The following SLC14A2 variants were observed in gnomAD, a reference collection of about 807,000 sequenced individuals.
SLC14A2 encodes the protein solute carrier family 14 member 2.
A neutral mutation model predicts 104.6 loss-of-function variants in SLC14A2; 91 were observed. The observed-to-expected ratio is 0.87, with a 90% CI of 0.73 to 1.04. The LOEUF (loss-of-function observed/expected upper bound fraction) is 1.04. SLC14A2 is among the 50% of genes least tolerant of loss of function. The probability of loss-of-function intolerance (pLI) is 0.00; values close to 1 mark genes in which losing one functional copy is unlikely to be tolerated. For missense variants in SLC14A2, 1,189 were observed against 1,156.0 expected, an observed-to-expected ratio of 1.03 and a Z score of -0.41; for synonymous variants, 476 against 466.4, an observed-to-expected ratio of 1.02 and a Z score of -0.27.
intron 1 of SLC14A2, among the ~76,000 whole-genome samples, chr18:45,438,781 T>C (rs1568203875): frequency 6.6e-6 from 1 of 152,234 alleles, no homozygotes; most frequent in Non-Finnish European, 1.5e-5. Flanking sequence ...ACTGGCCATC[T>C]TCCTGTCATT....
chr18:45,362,820 G>T (rs2085626114), intron 1 of SLC14A2, among the ~76,000 whole-genome samples: 1 of 152,222 alleles, frequency 6.6e-6, no homozygotes, highest in African/African-American at 2.4e-5. Flanking sequence ...TTCAGCCACA[G>T]GTAAGTGGCC....
chr18:45,235,374 G>A (rs2084214663), intron 1 of SLC14A2, among the ~76,000 whole-genome samples: 1 of 152,058 alleles, frequency 6.6e-6, no homozygotes, highest in African/African-American at 2.4e-5. Flanking sequence ...TCAAACCAAG[G>A]TAATTAGAAT....
At chr18:45,280,248 C>A (rs1019135539) in intron 1 of SLC14A2, among the ~76,000 whole-genome samples, 6 of 152,050 alleles carry the variant, frequency 3.9e-5, no homozygotes, top group African/African-American at 1.4e-4. Flanking sequence ...GAGCTAAGGG[C>A]GCCGCTGATG....
chr18:45,366,480 T>A (rs975955047), intron 1 of SLC14A2, among the ~76,000 whole-genome samples: 3 of 152,168 alleles, frequency 2.0e-5, no homozygotes, highest in African/African-American at 7.2e-5. Context: ...AAAGACAGTG[T>A]GCAATGTGGA....
intron 1 of SLC14A2, among the ~76,000 whole-genome samples, chr18:45,242,335 C>T (rs569244758): frequency 9.9e-5 from 15 of 152,150 alleles, no homozygotes; most frequent in African/African-American, 3.4e-4. Flanking sequence ...TAAAAACTGC[C>T]GTAAAAGTCA....
At chr18:45,176,061 G>A in the SLC14A2 span, among the ~76,000 whole-genome samples, 1 of 152,124 alleles carries the variant, frequency 6.6e-6, no homozygotes, top group African/African-American at 2.4e-5. Context: ...GGATGCCAAT[G>A]AGCAGACTGC....
At chr18:45,593,336 A>G (rs2044678031) in intron 2 of SLC14A2, among the ~76,000 whole-genome samples, 1 of 151,640 alleles carries the variant, frequency 6.6e-6, no homozygotes, top group Non-Finnish European at 1.5e-5. Context: ...AAAGTGAGCC[A>G]TCAATGTGAG....
At chr18:45,407,040 AAGAG>A (rs765095758) in intron 1 of SLC14A2, among the ~76,000 whole-genome samples, 16 of 152,186 alleles carry the variant, frequency 1.1e-4, no homozygotes, top group Non-Finnish European at 2.4e-4. Flanking sequence ...AGCCCCTAAC[AAGAG>A]AGTCACCCTG....
intron 1 of SLC14A2, among the ~76,000 whole-genome samples, chr18:45,616,399 C>A (rs79399330): frequency 0.025 from 3,837 of 152,284 alleles, 65 homozygotes; most frequent in Non-Finnish European, 0.038. Context: ...AATCAGCATT[C>A]CAGAAAACTG....
chr18:45,195,197 T>C, the SLC14A2 span, among the ~76,000 whole-genome samples: 1 of 151,912 alleles, frequency 6.6e-6, no homozygotes, highest in African/African-American at 2.4e-5. Flanking sequence ...CTGAAGGGAG[T>C]GTCTGGCCAC....
At position 45,581,055 on chromosome 18, in the gene SLC14A2, G is replaced by T. The variant is rs534758821; in HGVS notation, c.-34-43576G>T. 2.1e-4 allele frequency among the ~76,000 whole-genome samples: 32 copies of T among 152,304 alleles called. No homozygotes were observed. In the South Asian group the frequency reaches 6.6e-3, roughly 32 times the overall value. On this transcript the variant is annotated intron_variant, in intron 2 of 20. Coordinates refer to the SLC14A2 transcript ENST00000586448. ...GCAGGGAGACCAGGGCCATGGGGAA[G>T]GGAGGGAATGTGGAGGGCATTTCCT...
chr18:45,645,631 A>AT (rs1226114656), intron 10 of SLC14A2, among the ~76,000 whole-genome samples: 49 of 147,932 alleles, frequency 3.3e-4, no homozygotes, highest in South Asian at 6.3e-4. Flanking sequence ...ATACATATAC[A>AT]AAGATATATA....
chr18:45,379,292 T>C (rs905694770), intron 1 of SLC14A2, among the ~76,000 whole-genome samples: 15 of 152,354 alleles, frequency 9.8e-5, no homozygotes, highest in Non-Finnish European at 2.2e-4. Context: ...AATTCCTATA[T>C]TGGGCCAAAA....
At chr18:45,399,051 A>C (rs1598756951) in intron 1 of SLC14A2, among the ~76,000 whole-genome samples, 1 of 152,356 alleles carries the variant, frequency 6.6e-6, no homozygotes, top group South Asian at 2.1e-4. Flanking sequence ...TTGGATGCTA[A>C]GTTCCATCTC....
At chr18:45,678,393 C>T (rs1212235984) in intron 18 of SLC14A2, among the ~76,000 whole-genome samples, 2 of 152,170 alleles carry the variant, frequency 1.3e-5, no homozygotes, top group African/African-American at 4.8e-5. Flanking sequence ...GGGATGCTCT[C>T]AGCGAGAAAT....
intron 2 of SLC14A2, among the ~76,000 whole-genome samples, chr18:45,586,187 C>A (rs948063884): frequency 6.6e-6 from 1 of 152,202 alleles, no homozygotes; most frequent in Non-Finnish European, 1.5e-5. Flanking sequence ...GAGAGAATGG[C>A]AGGGAGTGTC....
chr18:45,460,376 C>T (rs967704347), intron 1 of SLC14A2, among the ~76,000 whole-genome samples: 17 of 152,298 alleles, frequency 1.1e-4, no homozygotes, highest in Middle Eastern at 3.4e-3. Context: ...GTGCTATCCC[C>T]ACATGTACAC....
In SLC14A2 at chr18:45,386,397, C is replaced by G. The variant is rs148053299; in HGVS notation, c.-124-96836C>G. On this transcript the variant is annotated intron_variant, in intron 1 of 20. Coordinates refer to the SLC14A2 transcript ENST00000586448. Reference sequence around the variant, plus strand: ...GATTTCTGCAGTATCTTCTAGAACTCAAAGACCGCAGGAGGGTCTTGCAAA... The same window carrying G: ...GATTTCTGCAGTATCTTCTAGAACTGAAAGACCGCAGGAGGGTCTTGCAAA... Among the ~76,000 whole-genome samples the G allele has an allele frequency of 1.3e-3, 200 of 152,296 alleles. 2 individuals are homozygous for G. The East Asian group carries it at 0.026, about 20-fold the overall frequency.
In SLC14A2 at chr18:45,434,270, A is replaced by G. The variant is rs191907030; in HGVS notation, c.-124-48963A>G. Among the ~76,000 whole-genome samples the G allele has an allele frequency of 2.7e-3, 407 of 152,280 alleles. 2 individuals carry two copies. The highest frequency in any genetic ancestry group is 9.4e-3 in the African/African-American group (392 of 41,562). On this transcript the variant is annotated intron_variant, in intron 1 of 20. Transcript: ENST00000586448. ...CCGGTCCTTAAGAAATACTTGTTCC[A>G]AGACTGATGGGTTGAGAGTCCCACT...
Sources: gnomAD v4.1 joint callset for allele counts (sites outside exome capture counted in the v4.1 genomes callset) on GRCh38, gnomAD v4.1.1 for gene constraint, MANE v1.5 for transcripts, NCBI Gene and HGNC (gene_info 2026-07-23, HGNC 2026-07-21) for gene names.